Variants in CCT6B observed in about 807,000 individuals in gnomAD.
CCT6B encodes the protein chaperonin containing TCP1 subunit 6B, also known as probable T-complex protein 1 subunit zeta-2.
In CCT6B, 49 loss-of-function variants were observed where a neutral mutation model predicts 61.5. The ratio of observed to expected loss-of-function variants is 0.80; its 90% CI spans 0.63 to 1.01. The LOEUF (loss-of-function observed/expected upper bound fraction) is 1.01. CCT6B is among the 50% of genes least tolerant of loss of function. The pLI, the probability that CCT6B is intolerant of heterozygous loss-of-function variation, is 0.00. For missense variants in CCT6B, 666 were observed against 634.7 expected (o/e 1.05, Z -0.53); for synonymous variants, 228 against 214.5 (o/e 1.06, Z -0.55).
chr17:34,948,073 T>G (rs1286701687), intron 5 of CCT6B, among the ~76,000 whole-genome samples: 1 of 152,118 alleles, frequency 6.6e-6, no homozygotes, highest in Non-Finnish European at 1.5e-5. Context: ...AATAGCTTTT[T>G]GGGGAACAGG....
chr17:34,950,990 C>A (rs2090285333), intron 5 of CCT6B, among the ~76,000 whole-genome samples: 1 of 150,200 alleles, frequency 6.7e-6, no homozygotes, highest in South Asian at 2.1e-4. Flanking sequence ...AATCTTCCCA[C>A]AAAAACTCTT....
intron 13 of CCT6B, 85 bp downstream of exon 13, chr17:34,928,877 G>C (rs1465306143): frequency 6.4e-6 from 5 of 783,978 alleles, no homozygotes; most frequent in Non-Finnish European, 1.1e-5. Context: ...CACTGTACAG[G>C]GACAAAAATA....
In CCT6B at chr17:34,939,301, C is replaced by T. The variant is rs760199064; in HGVS notation, c.1095G>A (p.Glu365=). 6.2e-7 allele frequency: 1 copy of T among 1,613,180 alleles called. No homozygotes were observed. ...AGGTAACAGAGCAAGGGTTAACACA[C>T]TCCTCAATAAAAGTGAACTTTTCTT... ...LGEEKFTFIE[E]CVNPCSVTLL... is the part of the protein sequence containing the mutation. Residue 365 remains glutamate, a synonymous_variant, in exon 10 of 14, where the codon GAG becomes GAA. Coordinates refer to ENST00000314144, the MANE Select transcript of CCT6B (RefSeq NM_006584.4).
At chr17:34,929,152 A>G in intron 12 of CCT6B, 118 bp from the exon 13 acceptor site, 1 of 647,122 alleles carries the variant, frequency 1.5e-6, no homozygotes, top group South Asian at 2.0e-5. Flanking sequence ...GTCATCAATG[A>G]CCTCCATATT....
At chr17:34,939,849 A>C in intron 8 of CCT6B, 136 bp from the exon 9 acceptor site, 1 of 632,122 alleles carries the variant, frequency 1.6e-6, no homozygotes, top group East Asian at 2.7e-5. Flanking sequence ...GTCTAATAAA[A>C]TTGTCTATAT....
intron 10 of CCT6B, 75 bp downstream of exon 10, chr17:34,939,108 G>A: frequency 8.7e-7 from 1 of 1,155,826 alleles, no homozygotes; most frequent in Non-Finnish European, 1.3e-6. Flanking sequence ...TACATACATA[G>A]GTGTGTGTGT....
At chr17:34,928,182 A>G (rs2089990913) in intron 13 of CCT6B, 65 bp from the exon 14 acceptor site, 3 of 965,584 alleles carry the variant, frequency 3.1e-6, no homozygotes, top group Admixed American at 4.0e-5. Flanking sequence ...TTCCCCAGCA[A>G]TCTTTACCTA....
intron 12 of CCT6B, among the ~76,000 whole-genome samples, chr17:34,929,565 G>A (rs887465086): frequency 1.3e-5 from 2 of 149,688 alleles, no homozygotes; most frequent in African/African-American, 4.9e-5. Flanking sequence ...TCAGGCTGGA[G>A]TGCAGTGGTG....
chr17:34,942,218 G>C (rs1822127453), intron 7 of CCT6B, among the ~76,000 whole-genome samples: 2 of 150,850 alleles, frequency 1.3e-5, no homozygotes, highest in Non-Finnish European at 2.9e-5. Flanking sequence ...CAGTGGTATA[G>C]CAATAAAGAA....
chr17:34,944,499 G>GC (rs2090201671), intron 5 of CCT6B: 1 of 152,072 alleles, frequency 6.6e-6, no homozygotes, highest in South Asian at 2.1e-4. Context: ...TTCCCTTCTA[G>GC]CTACTGCCCC....
At chr17:34,929,123 C>T in intron 12 of CCT6B, 89 bp from the exon 13 acceptor site, 2 of 797,072 alleles carry the variant, frequency 2.5e-6, no homozygotes, top group Non-Finnish European at 4.2e-6. Flanking sequence ...AATACATTAC[C>T]AAAACTACTT....
Position 34,953,341 on chromosome 17 carries a change from A to ATT in CCT6B, c.510+1083_510+1084dup, listed in dbSNP as rs201276129. Among the ~76,000 whole-genome samples, 966 of 139,726 alleles carry ATT rather than the reference A, an allele frequency of 6.9e-3. 9 individuals are homozygous for ATT. Among genetic ancestry groups the ATT allele is most frequent in the African/African-American group, 0.019 (715 of 37,890 alleles). The allele number at this position is 139,726 out of a possible 152,430, so 91.7% of individuals were successfully genotyped here. On this transcript the variant is annotated intron_variant, in intron 4 of 13. Coordinates refer to ENST00000314144, the MANE Select transcript of CCT6B (RefSeq NM_006584.4). ...AAAATATATATATATATATATATAT[A>ATT]TTTTTTTGAGACAAAGTTTCACTCT...
Position 34,942,629 on chromosome 17 carries a change from C to A in CCT6B, c.740G>T (p.Gly247Val). 6.3e-7 allele frequency: 1 copy of A among 1,586,202 alleles called. No individual in the cohort carries two copies. Among genetic ancestry groups the A allele is most frequent in the Non-Finnish European group, 8.5e-7 (1 of 1,171,926 alleles). The stretch of plus-strand genomic sequence containing the variant: ...CTCTTCTGCAGTCTTATAAAAGAAA[C>A]CAGAGTTCACCTCTCTAAAAGATTA... Reference protein sequence around the residue: ...LEYEKTEVNSGFFYKTAEEKE... With the variant: ...LEYEKTEVNSVFFYKTAEEKE... The change falls in exon 7 of 14, where the codon GGT (glycine) becomes GTT (valine). Residue 247 changes from glycine (G) to valine (V), a missense_variant. Physicochemically the swap from Gly to Val is moderately radical, Grantham distance 109. Coordinates refer to ENST00000314144, the MANE Select transcript of CCT6B (RefSeq NM_006584.4).
At chr17:34,933,876 C>T (rs985154696) in intron 10 of CCT6B, among the ~76,000 whole-genome samples, 1 of 152,076 alleles carries the variant, frequency 6.6e-6, no homozygotes, top group Non-Finnish European at 1.5e-5. Flanking sequence ...CTCCTATAAT[C>T]CCAGCACTTT....
intron 5 of CCT6B, among the ~76,000 whole-genome samples, chr17:34,950,059 T>A (rs1285446672): frequency 6.6e-6 from 1 of 152,186 alleles, no homozygotes; most frequent in Admixed American, 6.5e-5. Flanking sequence ...TAGAGCATAT[T>A]CTCTGACCAC....
chr17:34,956,133 T>G (rs1301817121), intron 3 of CCT6B, among the ~76,000 whole-genome samples: 1 of 152,216 alleles, frequency 6.6e-6, no homozygotes, highest in Non-Finnish European at 1.5e-5. Context: ...CTAAGCTTCT[T>G]GGTTAGCATA....
chr17:34,942,880 T>C lies in CCT6B; in HGVS notation c.641A>G (p.His214Arg), dbSNP rs1201764372. Residue 214 changes from histidine to arginine, a missense_variant, in exon 6 of 14, where the codon CAT becomes CGT. By Grantham distance (29) the His-to-Arg change is conservative. Transcript: ENST00000314144. ...CTTCATATCTGGATGACGGGCACCA[T>C]GATCCAAAACTAATCCTTGGATCAA... ...TKLIQGLVLD[H>R]GARHPDMKKR... 2 of 1,608,184 alleles carry C rather than the reference T, an allele frequency of 1.2e-6. No homozygotes were observed. Among genetic ancestry groups the C allele is most frequent in the Non-Finnish European group, 1.7e-6 (2 of 1,176,124 alleles).
intron 11 of CCT6B, 25 bp from the exon 12 acceptor site, chr17:34,931,076 A>G (rs763577520): frequency 5.2e-6 from 4 of 768,992 alleles, no homozygotes; most frequent in East Asian, 3.5e-5. Flanking sequence ...ATAATAATAT[A>G]TATTATATAT....
chr17:34,942,726 A>G (rs1407385827), intron 6 of CCT6B, 70 bp downstream of exon 6: 3 of 1,485,558 alleles, frequency 2.0e-6, no homozygotes, highest in African/African-American at 1.4e-5. Flanking sequence ...AACATCTGGA[A>G]GGAAAAAGAG....
Sources: allele counts gnomAD v4.1 joint callset (sites outside exome capture counted in the v4.1 genomes callset), GRCh38; gene constraint gnomAD v4.1.1; transcripts MANE v1.5; gene names NCBI Gene and HGNC (gene_info 2026-07-23, HGNC 2026-07-21).